RGPD1: variants seen among roughly 807,000 people sequenced by gnomAD.
RGPD1 encodes RANBP2-like and GRIP domain-containing protein 1.
RGPD1 carries 7 observed loss-of-function variants against 40.6 expected under a neutral mutation model. That is an observed-to-expected ratio of 0.17 (90% confidence interval 0.10 to 0.32). The LOEUF (loss-of-function observed/expected upper bound fraction) is 0.32. RGPD1 is among the 10% of genes least tolerant of loss of function. RGPD1 has a pLI of 1.00. For missense variants in RGPD1, 50 were observed against 472.5 expected, an observed-to-expected ratio of 0.11 and a Z score of 8.29; for synonymous variants, 24 against 167.0, an observed-to-expected ratio of 0.14 and a Z score of 6.60.
chr2:86,925,866 G>T (rs530494726), intron 1 of RGPD1, among the ~76,000 whole-genome samples: 5 of 152,144 alleles, frequency 3.3e-5, no homozygotes, highest in South Asian at 2.1e-4. Context: ...CACCACGCCT[G>T]GCCTTGTACA....
At chr2:86,935,841 T>A (rs1265215219) in intron 1 of RGPD1, among the ~76,000 whole-genome samples, 2 of 142,280 alleles carry the variant, frequency 1.4e-5, no homozygotes, top group Non-Finnish European at 3.1e-5. Flanking sequence ...TTAGGAATAG[T>A]GTGGTTTTCT....
chr2:86,920,147 ACAAC>A (rs1355277525), intron 1 of RGPD1, among the ~76,000 whole-genome samples: 1 of 151,880 alleles, frequency 6.6e-6, no homozygotes, highest in Non-Finnish European at 1.5e-5. Context: ...CTGGCTCATT[ACAAC>A]CTCTGCCTCC....
Position 86,942,306 on chromosome 2 carries a change from A to G in RGPD1, c.70A>G (p.Lys24Glu). Residue 24 changes from lysine (K) to glutamate (E), a missense_variant and splice_region_variant, in exon 1 of 23, where the codon AAG (lysine) becomes GAG (glutamate). Lys to Glu is a moderately conservative substitution (Grantham distance 56). Coordinates refer to ENST00000641458, the MANE Select transcript of RGPD1 (RefSeq NM_001382344.1). ...SVQGSAPSPGKKLRGFYFAKL... is the reference protein window; with the variant it reads ...SVQGSAPSPGEKLRGFYFAKL... ...GCAGGGCTCCGCCCCGTCGCCTGGA[A>G]AGGTGAGTGGATCTCGAAGAGACCG... The G allele has an allele frequency of 6.3e-7, 1 of 1,586,710 alleles. No homozygotes were observed. The highest frequency in any genetic ancestry group is 2.3e-5 in the East Asian group (1 of 43,338).
At chr2:86,956,067 G>A (rs1254184237) in intron 4 of RGPD1, among the ~76,000 whole-genome samples, 2 of 144,368 alleles carry the variant, frequency 1.4e-5, no homozygotes, top group African/African-American at 5.2e-5. Flanking sequence ...TAATTGTCAT[G>A]CAAAGTAATT....
chr2:86,913,824 G>C lies in RGPD1; in HGVS notation c.-26G>C, dbSNP rs751821038. 67 of 1,557,156 alleles carry C rather than the reference G, an allele frequency of 4.3e-5. 1 individual carries two copies. In the African/African-American group the frequency reaches 5.5e-4, roughly 13 times the overall value. ...GCGGGGCTGAGCGCTGGTTTCACGC[G>C]TCTCGGGAGCCAGGTTGGCGGTGCG... is the stretch of plus-strand genomic sequence containing the variant. On this transcript the variant is annotated 5_prime_UTR_variant, in exon 1 of 23. Transcript: ENST00000398193.
Position 86,914,008 on chromosome 2 carries a change from C to T in RGPD1, c.72+87C>T, listed in dbSNP as rs1344939179. On this transcript the variant is annotated intron_variant, in intron 1 of 22. Transcript: ENST00000398193. The stretch of plus-strand genomic sequence containing the variant: ...CGGGCGGCGGCGGCGGCCTCGGCCT[C>T]GGCCTGGCCGGGCGGCGGCGGCGGC... 3.1e-5 allele frequency: 21 copies of T among 675,646 alleles called. 5 individuals are homozygous for T. The highest frequency in any genetic ancestry group is 1.7e-4 in the African/African-American group (4 of 22,858). 41.9% of individuals were successfully genotyped at this position (675,646 alleles called of 1,614,324 possible). A position where few individuals can be genotyped will look rare whatever the true frequency, so the allele number is the denominator to read the frequency against.
intron 1 of RGPD1, among the ~76,000 whole-genome samples, chr2:86,925,925 TAAAA>T (rs758432493): frequency 2.4e-4 from 37 of 152,238 alleles, no homozygotes; most frequent in Non-Finnish European, 4.3e-4. Context: ...AATGAATAAT[TAAAA>T]AAATCCATTT....
intron 1 of RGPD1, among the ~76,000 whole-genome samples, chr2:86,914,192 C>T (rs1573556116): frequency 1.8e-5 from 1 of 54,580 alleles, no homozygotes; most frequent in African/African-American, 6.8e-5. Flanking sequence ...ACGGCGGCGG[C>T]GGCCTCGGCC....
chr2:86,924,657 A>G (rs1369525930), intron 1 of RGPD1, among the ~76,000 whole-genome samples: 1 of 151,336 alleles, frequency 6.6e-6, no homozygotes, highest in African/African-American at 2.4e-5. Context: ...GGCAGAGACA[A>G]GGTCTTACTA....
chr2:86,960,300 C>T (rs1266502518), intron 6 of RGPD1, among the ~76,000 whole-genome samples: 2 of 54,594 alleles, frequency 3.7e-5, no homozygotes, highest in Admixed American at 1.6e-4. Context: ...CTTTGTTACC[C>T]CCCCTTGTGA....
At chr2:86,942,784 C>G (rs902269664) in intron 1 of RGPD1, among the ~76,000 whole-genome samples, 10 of 151,648 alleles carry the variant, frequency 6.6e-5, no homozygotes, top group Non-Finnish European at 2.9e-5. Context: ...GTTGAGGCGC[C>G]GGCCGGCTGG....
At chr2:86,926,780 C>T (rs1203473893) in intron 1 of RGPD1, among the ~76,000 whole-genome samples, 2 of 152,180 alleles carry the variant, frequency 1.3e-5, no homozygotes, top group Non-Finnish European at 1.5e-5. Flanking sequence ...AGTGAATTGT[C>T]TGAGATCTCA....
chr2:86,914,543 GGGCGGCGGCGGC>G (rs1322747428), intron 1 of RGPD1, among the ~76,000 whole-genome samples: 2 of 20,004 alleles, frequency 1.0e-4, no homozygotes, highest in African/African-American at 3.3e-4. Context: ...CGGCCTGGCC[GGGCGGCGGCGGC>G]GGCGGCGGCG....
chr2:86,996,986 A>G (rs1478218881), intron 21 of RGPD1, among the ~76,000 whole-genome samples: 2 of 124,562 alleles, frequency 1.6e-5, no homozygotes, highest in Non-Finnish European at 3.3e-5. Flanking sequence ...GTTGCTCCTC[A>G]TGGAGACGTT....
intron 1 of RGPD1, among the ~76,000 whole-genome samples, chr2:86,945,390 AGG>A (rs1268539765): frequency 1.3e-5 from 2 of 152,180 alleles, no homozygotes; most frequent in Admixed American, 1.3e-4. Context: ...TTTGGATAGA[AGG>A]TAAGGAATGG....
At chr2:86,925,080 TG>T (rs1366521926) in intron 1 of RGPD1, among the ~76,000 whole-genome samples, 4 of 152,274 alleles carry the variant, frequency 2.6e-5, no homozygotes, top group Admixed American at 2.0e-4. Context: ...TGTATCTTTT[TG>T]TGAAGTTTCT....
Position 87,013,380 on chromosome 2 carries a change from G to A in RGPD1, c.*833G>A, listed in dbSNP as rs1328024595. On this transcript the variant is annotated 3_prime_UTR_variant, in exon 23 of 23. Transcript: ENST00000641458. ...CTGGGGACACACGGGGCACAGTGCA[G>A]CCAGAGGCTTGGCCATCATAGAGCT... 3.7e-5 allele frequency: 5 copies of A among 133,430 alleles called. No homozygotes were observed. The highest frequency in any genetic ancestry group is 6.8e-5 in the Non-Finnish European group (5 of 73,104). The allele number at this position is 133,430 out of a possible 1,614,324, so 8.3% of individuals were successfully genotyped here. A position where few individuals can be genotyped will look rare whatever the true frequency, so the allele number is the denominator to read the frequency against.
At chr2:86,918,781 G>GT (rs1558782166) in intron 1 of RGPD1, among the ~76,000 whole-genome samples, 1 of 120,118 alleles carries the variant, frequency 8.3e-6, no homozygotes, top group South Asian at 2.9e-4. Context: ...TTTAAAACTT[G>GT]TTTTTTGTCT....
At chr2:86,942,001 G>C (rs893294632), upstream of RGPD1, among the ~76,000 whole-genome samples, 5 of 151,676 alleles carry the variant, frequency 3.3e-5, no homozygotes, top group Non-Finnish European at 5.9e-5. Flanking sequence ...CGTGAGCCAC[G>C]GCGCCCGGCG....
Sources: allele counts gnomAD v4.1 joint callset (sites outside exome capture counted in the v4.1 genomes callset), GRCh38; gene constraint gnomAD v4.1.1; transcripts MANE v1.5; gene names NCBI Gene and HGNC (gene_info 2026-07-23, HGNC 2026-07-21).